DDX60L: variants seen among roughly 807,000 people sequenced by gnomAD.
The protein encoded by DDX60L is probable ATP-dependent RNA helicase DDX60-like.
Under a neutral mutation model 211.6 loss-of-function variants are expected in DDX60L, and 191 were observed. The observed-to-expected ratio is 0.90, with a 90% CI of 0.80 to 1.02. The LOEUF (loss-of-function observed/expected upper bound fraction) is 1.02. Among genes scored for constraint, DDX60L ranks in the 50% least tolerant of loss-of-function variants. The pLI is 0.00. For missense variants in DDX60L, 2,007 were observed against 1,984.1 expected (o/e 1.01, Z -0.22); for synonymous variants, 706 against 694.1 (o/e 1.02, Z -0.27).
intron 10 of DDX60L, among the ~76,000 whole-genome samples, chr4:168,438,046 T>G (rs950232916): frequency 2.6e-5 from 4 of 152,126 alleles, no homozygotes; most frequent in Non-Finnish European, 5.9e-5. Context: ...GATAATTTTT[T>G]GTATTTTTAG....
chr4:168,392,840 C>CAAAAAA (rs60915238), intron 28 of DDX60L, among the ~76,000 whole-genome samples: 1 of 126,620 alleles, frequency 7.9e-6, no homozygotes, highest in Non-Finnish European at 1.6e-5. Flanking sequence ...AACTCTGTCT[C>CAAAAAA]AAAAAAAAAA....
At chr4:168,387,662 G>C (rs1744136106) in intron 29 of DDX60L, among the ~76,000 whole-genome samples, 1 of 152,216 alleles carries the variant, frequency 6.6e-6, no homozygotes, top group Non-Finnish European at 1.5e-5. Flanking sequence ...TACAGAAATT[G>C]TGATACAGAA....
intron 8 of DDX60L, 86 bp from the exon 9 acceptor site, chr4:168,448,865 A>G: frequency 2.4e-6 from 3 of 1,245,922 alleles, no homozygotes; most frequent in South Asian, 1.5e-5. Context: ...GTAGGTCACA[A>G]GGGACATTTC....
At chr4:168,432,243 TG>T (rs1456734887) in intron 12 of DDX60L, among the ~76,000 whole-genome samples, 3 of 111,622 alleles carry the variant, frequency 2.7e-5, no homozygotes, top group African/African-American at 8.0e-5. Context: ...ATATATATAT[TG>T]TGTGTGTGTG....
intron 1 of DDX60L, among the ~76,000 whole-genome samples, chr4:168,475,767 G>C (rs542653409): frequency 6.6e-6 from 1 of 152,198 alleles, no homozygotes; most frequent in East Asian, 1.9e-4. Context: ...ATGGTAATTG[G>C]AGATGGGGGC....
At chr4:168,452,117 C>G (rs535670997) in intron 8 of DDX60L, among the ~76,000 whole-genome samples, 1 of 152,174 alleles carries the variant, frequency 6.6e-6, no homozygotes, top group African/African-American at 2.4e-5. Flanking sequence ...GTATTTTTCT[C>G]CACTCCTTCC....
intron 29 of DDX60L, among the ~76,000 whole-genome samples, chr4:168,390,858 G>A (rs568092060): frequency 2.0e-5 from 3 of 150,426 alleles, no homozygotes; most frequent in Admixed American, 6.6e-5. Context: ...TTCCTCCCTC[G>A]CCTTATAATA....
intron 28 of DDX60L, among the ~76,000 whole-genome samples, chr4:168,393,402 A>C (rs1350587533): frequency 6.6e-6 from 1 of 152,078 alleles, no homozygotes; most frequent in Non-Finnish European, 1.5e-5. Context: ...AGAATGAGGC[A>C]GGAGAATGGC....
intron 30 of DDX60L, 69 bp from the exon 31 acceptor site, chr4:168,379,899 T>C: frequency 3.6e-6 from 4 of 1,112,596 alleles, no homozygotes; most frequent in East Asian, 2.5e-5. Flanking sequence ...ATGTAATAAA[T>C]AGTACACATA....
chr4:168,468,177 T>C (rs1054272097), intron 4 of DDX60L, among the ~76,000 whole-genome samples: 15 of 151,568 alleles, frequency 9.9e-5, no homozygotes, highest in Non-Finnish European at 1.8e-4. Flanking sequence ...AAATAATAAA[T>C]AAATAAATAA....
chr4:168,372,176 T>G (rs1257209571), intron 35 of DDX60L, among the ~76,000 whole-genome samples: 1 of 152,166 alleles, frequency 6.6e-6, no homozygotes, highest in Non-Finnish European at 1.5e-5. Flanking sequence ...AGGAGTGTCA[T>G]GTAGCTAGTG....
At chr4:168,453,361 C>T (rs890141156) in intron 7 of DDX60L, 79 bp from the exon 8 acceptor site, 1 of 1,421,978 alleles carries the variant, frequency 7.0e-7, no homozygotes, top group African/African-American at 1.4e-5. Context: ...CCACGAAGAT[C>T]ATATCTTCAA....
At chr4:168,421,570 A>T (rs768862122) in intron 17 of DDX60L, among the ~76,000 whole-genome samples, 190 bp downstream of exon 17, 5 of 152,128 alleles carry the variant, frequency 3.3e-5, no homozygotes, top group Non-Finnish European at 7.4e-5. Flanking sequence ...CGGGAGAATC[A>T]CTTGAACACG....
chr4:168,388,459 G>T (rs894549700), intron 29 of DDX60L, among the ~76,000 whole-genome samples: 6 of 152,102 alleles, frequency 3.9e-5, no homozygotes, highest in African/African-American at 1.4e-4. Flanking sequence ...GGATGCAAAG[G>T]GCCCTACTAA....
At chr4:168,360,755 C>G (rs1738964089) in intron 37 of DDX60L, among the ~76,000 whole-genome samples, 2 of 152,206 alleles carry the variant, frequency 1.3e-5, no homozygotes, top group Non-Finnish European at 2.9e-5. Flanking sequence ...GATTTAACTG[C>G]TTTGAAGTGG....
chr4:168,477,883 G>C (rs1250528712), intron 1 of DDX60L, among the ~76,000 whole-genome samples: 1 of 152,174 alleles, frequency 6.6e-6, no homozygotes, highest in African/African-American at 2.4e-5. Context: ...GGAAGAATGG[G>C]AAAGAGAAAT....
chr4:168,380,652 C>T (rs890891736), intron 30 of DDX60L: 1 of 152,074 alleles, frequency 6.6e-6, no homozygotes, highest in African/African-American at 2.4e-5. Flanking sequence ...TGAACTAATA[C>T]AGGAAGTTGA....
At chr4:168,479,678 C>G (rs1760123155) in intron 1 of DDX60L, among the ~76,000 whole-genome samples, 1 of 152,086 alleles carries the variant, frequency 6.6e-6, no homozygotes, top group Non-Finnish European at 1.5e-5. Flanking sequence ...CTATTAAGAG[C>G]TTAAATCCGG....
At chr4:168,375,912 C>G (rs750439091) in intron 33 of DDX60L, among the ~76,000 whole-genome samples, 15 of 152,310 alleles carry the variant, frequency 9.8e-5, no homozygotes, top group Non-Finnish European at 2.1e-4. Flanking sequence ...CTGTGCTTTG[C>G]TGCCCCAAGC....
Sources: allele counts gnomAD v4.1 joint callset (sites outside exome capture counted in the v4.1 genomes callset), GRCh38; gene constraint gnomAD v4.1.1; transcripts MANE v1.5; gene names NCBI Gene and HGNC (gene_info 2026-07-23, HGNC 2026-07-21).